The following RGS6 variants were observed in gnomAD, a reference collection of about 807,000 sequenced individuals.
RGS6 encodes the protein regulator of G protein signaling 6.
A neutral mutation model predicts 78.5 loss-of-function variants in RGS6; 30 were observed. The observed-to-expected ratio is 0.38, with a 90% CI of 0.29 to 0.52. The LOEUF is 0.52. RGS6 is among the 20% of genes least tolerant of loss of function. RGS6 has a pLI of 0.85. For missense variants in RGS6, 495 were observed against 609.7 expected, an observed-to-expected ratio of 0.81 and a Z score of 1.98; for synonymous variants, 206 against 206.0, an observed-to-expected ratio of 1.00 and a Z score of 0.00.
intron 17 of RGS6, among the ~76,000 whole-genome samples, chr14:72,550,118 G>A (rs2097481625): frequency 8.9e-6 from 1 of 112,064 alleles, no homozygotes; most frequent in Admixed American, 8.1e-5. Context: ...ATTACAGCTT[G>A]TGACTTTTTT....
At chr14:72,085,624 C>T (rs565471335) in intron 2 of RGS6, among the ~76,000 whole-genome samples, 2 of 152,050 alleles carry the variant, frequency 1.3e-5, no homozygotes, top group South Asian at 2.1e-4. Flanking sequence ...GAGGCCAAGG[C>T]GGTTGGATCA....
chr14:72,384,022 G>A (rs541127197), intron 3 of RGS6, among the ~76,000 whole-genome samples: 8 of 152,188 alleles, frequency 5.3e-5, no homozygotes, highest in Admixed American at 1.3e-4. Context: ...CTACATGGAC[G>A]TTAACTCAGA....
intron 2 of RGS6, among the ~76,000 whole-genome samples, chr14:72,187,158 T>C (rs1373118548): frequency 6.6e-6 from 1 of 152,240 alleles, no homozygotes; most frequent in Non-Finnish European, 1.5e-5. Flanking sequence ...AATAGATGCA[T>C]TGATTTTTTA....
the RGS6 span, among the ~76,000 whole-genome samples, chr14:71,874,132 T>C: frequency 0.034 from 5,132 of 152,272 alleles, 238 homozygotes; most frequent in African/African-American, 0.1. Context: ...TGGGCTCTTT[T>C]TTGGTTCCAT....
intron 3 of RGS6, among the ~76,000 whole-genome samples, chr14:72,436,766 C>G (rs1224507013): frequency 1.3e-5 from 2 of 152,174 alleles, no homozygotes; most frequent in East Asian, 3.8e-4. Flanking sequence ...ACCAAACAAT[C>G]AAAACCAATG....
At chr14:72,422,649 G>A (rs1251737660) in intron 3 of RGS6, among the ~76,000 whole-genome samples, 2 of 152,166 alleles carry the variant, frequency 1.3e-5, no homozygotes, top group East Asian at 1.9e-4. Flanking sequence ...GGGAGTGGGT[G>A]CCCACAGCTT....
At chr14:72,187,066 A>G (rs1238664526) in intron 2 of RGS6, among the ~76,000 whole-genome samples, 1 of 152,238 alleles carries the variant, frequency 6.6e-6, no homozygotes, top group African/African-American at 2.4e-5. Context: ...GAGAAAATGA[A>G]CAGGAAAGCC....
At chr14:72,480,841 G>C (rs955677414) in intron 12 of RGS6, among the ~76,000 whole-genome samples, 1 of 152,098 alleles carries the variant, frequency 6.6e-6, no homozygotes, top group African/African-American at 2.4e-5. Context: ...ATATCCCCCA[G>C]GAAACCGCAT....
chr14:72,346,324 G>A (rs540269834), intron 2 of RGS6, among the ~76,000 whole-genome samples: 4 of 152,258 alleles, frequency 2.6e-5, no homozygotes, highest in South Asian at 2.1e-4. Context: ...GCCCTTTGTC[G>A]TTTCTGTTAG....
chr14:72,220,945 C>T lies in RGS6; in HGVS notation c.85-131150C>T, dbSNP rs1202677758. Among the ~76,000 whole-genome samples, 3 of 152,126 alleles carry T rather than the reference C, an allele frequency of 2.0e-5. No individual in the cohort carries two copies. The East Asian group carries it at 5.8e-4, about 29-fold the overall frequency. ...CATTTGGGAGGATTCAGATGACTCA[C>T]ACTCCCAACCTCCCTAAATCCTCCT... On this transcript the variant is annotated intron_variant, in intron 2 of 17. Transcript: ENST00000553525.
Position 72,444,444 on chromosome 14 carries a change from C to G in RGS6, c.185-10084C>G, listed in dbSNP as rs1459763970. Among the ~76,000 whole-genome samples, 3 of 152,184 alleles carry G rather than the reference C, an allele frequency of 2.0e-5. No individual in the cohort carries two copies. In the South Asian group the frequency reaches 6.2e-4, roughly 32 times the overall value. ...CCCGCAGCTGATTGTCTCTCCTGCC[C>G]CATCTCCCCAGGCCTTCGCTGCAGG... On this transcript the variant is annotated intron_variant, in intron 3 of 17. Coordinates refer to ENST00000553525, the MANE Select transcript of RGS6 (RefSeq NM_001204424.2).
chr14:72,407,121 G>A (rs532107922), intron 3 of RGS6, among the ~76,000 whole-genome samples: 1 of 152,244 alleles, frequency 6.6e-6, no homozygotes, highest in Non-Finnish European at 1.5e-5. Context: ...CTATTGTATT[G>A]TAGGTTCTAA....
the RGS6 span, among the ~76,000 whole-genome samples, chr14:72,629,126 G>C: frequency 6.6e-6 from 1 of 152,122 alleles, no homozygotes; most frequent in African/African-American, 2.4e-5. Flanking sequence ...TAATATTTTG[G>C]TTATTTAGGT....
At chr14:72,190,309 A>G (rs1227660171) in intron 2 of RGS6, among the ~76,000 whole-genome samples, 1 of 152,254 alleles carries the variant, frequency 6.6e-6, no homozygotes, top group African/African-American at 2.4e-5. Flanking sequence ...GCATCCAGTC[A>G]TGCTTATTTC....
chr14:72,072,004 T>A (rs911790234), intron 2 of RGS6, among the ~76,000 whole-genome samples: 1 of 152,204 alleles, frequency 6.6e-6, no homozygotes, highest in Non-Finnish European at 1.5e-5. Flanking sequence ...TACTTGTAAA[T>A]TTTTTTAACC....
chr14:72,214,275 C>T (rs1276290642), intron 2 of RGS6, among the ~76,000 whole-genome samples: 1 of 151,206 alleles, frequency 6.6e-6, no homozygotes. Flanking sequence ...TTCCTGGGCT[C>T]AAGCGATCCT....
At chr14:72,090,783 A>G (rs2095243764) in intron 2 of RGS6, among the ~76,000 whole-genome samples, 1 of 152,134 alleles carries the variant, frequency 6.6e-6, no homozygotes, top group South Asian at 2.1e-4. Flanking sequence ...AGGGAGTGTT[A>G]CTAGGGCCCA....
intron 2 of RGS6, among the ~76,000 whole-genome samples, chr14:72,115,002 AT>A (rs2095854669): frequency 6.6e-6 from 1 of 152,228 alleles, no homozygotes; most frequent in Non-Finnish European, 1.5e-5. Flanking sequence ...CGGCTCCTTT[AT>A]CTAACAGATC....
At chr14:71,926,046 T>C in the RGS6 span, among the ~76,000 whole-genome samples, 1 of 152,192 alleles carries the variant, frequency 6.6e-6, no homozygotes, top group African/African-American at 2.4e-5. Flanking sequence ...TATCTCACGT[T>C]CATGATTTAG....
Sources: allele counts gnomAD v4.1 joint callset (sites outside exome capture counted in the v4.1 genomes callset), GRCh38; gene constraint gnomAD v4.1.1; transcripts MANE v1.5; gene names NCBI Gene and HGNC (gene_info 2026-07-23, HGNC 2026-07-21).